SLC36A4: variants seen among roughly 807,000 people sequenced by gnomAD.
The protein encoded by SLC36A4 is neutral amino acid uniporter 4.
A neutral mutation model predicts 50.5 loss-of-function variants in SLC36A4; 49 were observed. The observed-to-expected ratio is 0.97, with a 90% confidence interval of 0.77 to 1.23. The LOEUF (loss-of-function observed/expected upper bound fraction) is 1.23, where lower values mean the gene tolerates loss of function less well. Among genes scored for constraint, SLC36A4 ranks in the 50% most tolerant of loss-of-function variants. The pLI, the probability that SLC36A4 is intolerant of heterozygous loss-of-function variation, is 0.00. For missense variants in SLC36A4, 611 were observed against 608.4 expected, an observed-to-expected ratio of 1.00 and a Z score of -0.05; for synonymous variants, 207 against 206.5, an observed-to-expected ratio of 1.00 and a Z score of -0.02.
intron 6 of SLC36A4, among the ~76,000 whole-genome samples, chr11:93,176,227 T>C (rs1453801923): frequency 9.9e-5 from 15 of 152,032 alleles, no homozygotes; most frequent in African/African-American, 3.6e-4. Flanking sequence ...TCTTTTGATC[T>C]TTGTTGGTTT....
At chr11:93,153,507 GA>G (rs1406833266) in intron 10 of SLC36A4, among the ~76,000 whole-genome samples, 1 of 151,828 alleles carries the variant, frequency 6.6e-6, no homozygotes, top group Non-Finnish European at 1.5e-5. Context: ...GCTTGACTTT[GA>G]ATTCCCAGAT....
intron 10 of SLC36A4, among the ~76,000 whole-genome samples, chr11:93,153,041 A>G (rs1409671795): frequency 6.6e-6 from 1 of 152,096 alleles, no homozygotes; most frequent in Non-Finnish European, 1.5e-5. Context: ...AATACATTTT[A>G]TCTACTTTTT....
chr11:93,166,778 G>C (rs1003774530), intron 7 of SLC36A4: 3 of 152,198 alleles, frequency 2.0e-5, no homozygotes, highest in African/African-American at 7.2e-5. Flanking sequence ...AATGAACAAA[G>C]CAACTGAAGT....
chr11:93,171,291 A>G (rs1565226383), intron 6 of SLC36A4: 1 of 152,228 alleles, frequency 6.6e-6, no homozygotes, highest in East Asian at 1.9e-4. Flanking sequence ...ATAATATTTC[A>G]TAGGAGAAAG....
chr11:93,157,838 T>C (rs1286788401), intron 9 of SLC36A4, among the ~76,000 whole-genome samples: 1 of 152,206 alleles, frequency 6.6e-6, no homozygotes, highest in Non-Finnish European at 1.5e-5. Context: ...ATCTTGCAGT[T>C]CTTCCTATTT....
intron 9 of SLC36A4, among the ~76,000 whole-genome samples, chr11:93,156,937 T>C (rs1441092657): frequency 2.0e-5 from 3 of 152,162 alleles, no homozygotes; most frequent in African/African-American, 7.2e-5. Flanking sequence ...CATTCCTATG[T>C]CCAGAATGGT....
chr11:93,155,973 T>C (rs1343239238), intron 9 of SLC36A4, among the ~76,000 whole-genome samples: 1 of 152,232 alleles, frequency 6.6e-6, no homozygotes. Context: ...ATCCAATCTA[T>C]CACTGACAGG....
intron 8 of SLC36A4, 82 bp downstream of exon 8, chr11:93,165,836 C>A: frequency 1.3e-6 from 1 of 791,214 alleles, no homozygotes; most frequent in South Asian, 2.5e-5. Context: ...GAAAAATATG[C>A]AATTTTAAAT....
intron 3 of SLC36A4, 101 bp downstream of exon 3, chr11:93,184,329 T>A: frequency 1.3e-6 from 1 of 746,354 alleles, no homozygotes; most frequent in Non-Finnish European, 2.3e-6. Context: ...ATCATCTAAA[T>A]GTCACCTTAC....
At chr11:93,188,849 T>C (rs1202141616) in intron 1 of SLC36A4, among the ~76,000 whole-genome samples, 1 of 152,124 alleles carries the variant, frequency 6.6e-6, no homozygotes, top group African/African-American at 2.4e-5. Flanking sequence ...TTCTAGAGGC[T>C]ATTAGTCTGA....
chr11:93,174,371 T>C (rs1306652573), intron 6 of SLC36A4, among the ~76,000 whole-genome samples: 1 of 151,626 alleles, frequency 6.6e-6, no homozygotes, highest in Non-Finnish European at 1.5e-5. Context: ...GTTTTCTCGA[T>C]ATACAGTCAT....
chr11:93,172,698 T>C (rs1035541804), intron 6 of SLC36A4, among the ~76,000 whole-genome samples: 4 of 141,150 alleles, frequency 2.8e-5, no homozygotes, highest in African/African-American at 1.1e-4. Context: ...ATGCGGTGTT[T>C]GGTTTTTTGT....
chr11:93,171,575 G>A (rs186309802), intron 6 of SLC36A4: 16 of 152,038 alleles, frequency 1.1e-4, no homozygotes, highest in African/African-American at 3.4e-4. Flanking sequence ...GTATATCATG[G>A]TTTCTAAATA....
rs1346111562 is a variant in SLC36A4, at chr11:93,144,398, A to C, written c.*4139T>G. ...CCTATTTGTTATCAAGAAAACGCTA[A>C]TGAAATATTTTTAGTGTTCTTTTCA... is the stretch of plus-strand genomic sequence containing the variant. On this transcript the variant is annotated 3_prime_UTR_variant, in exon 11 of 11. Coordinates refer to ENST00000326402, the MANE Select transcript of SLC36A4 (RefSeq NM_152313.4). 6.6e-6 allele frequency: 1 copy of C among 152,072 alleles called. No individual in the cohort carries two copies. Among genetic ancestry groups the C allele is most frequent in the Non-Finnish European group, 1.5e-5 (1 of 67,974 alleles). The allele number at this position is 152,072 out of a possible 1,614,324, so 9.4% of individuals were successfully genotyped here.
chr11:93,173,555 T>C (rs2134673238), intron 6 of SLC36A4, among the ~76,000 whole-genome samples: 1 of 143,298 alleles, frequency 7.0e-6, no homozygotes, highest in Middle Eastern at 3.4e-3. Context: ...GCCTAGGTTT[T>C]CTTCTAGGGT....
At chr11:93,177,631 A>C (rs1378979891) in intron 6 of SLC36A4, among the ~76,000 whole-genome samples, 2 of 152,184 alleles carry the variant, frequency 1.3e-5, no homozygotes, top group Non-Finnish European at 2.9e-5. Flanking sequence ...AGTTTGCTGG[A>C]GGTCCACTCC....
intron 9 of SLC36A4, among the ~76,000 whole-genome samples, chr11:93,155,920 G>A (rs902038937): frequency 2.0e-5 from 3 of 152,074 alleles, no homozygotes; most frequent in African/African-American, 7.2e-5. Context: ...TCTTTTTTAT[G>A]GCTGCATAGT....
intron 8 of SLC36A4, among the ~76,000 whole-genome samples, chr11:93,165,665 T>C (rs1477661288): frequency 6.6e-6 from 1 of 152,118 alleles, no homozygotes; most frequent in African/African-American, 2.4e-5. Context: ...ATGTTAAAAA[T>C]GATCTGGCTA....
chr11:93,191,276 AATT>A (rs1393437606), intron 1 of SLC36A4, among the ~76,000 whole-genome samples: 1 of 152,162 alleles, frequency 6.6e-6, no homozygotes, highest in Non-Finnish European at 1.5e-5. Flanking sequence ...ACTTAACTCT[AATT>A]TTTTAGGAGA....
Sources: gnomAD v4.1 joint callset for allele counts (sites outside exome capture counted in the v4.1 genomes callset) on GRCh38, gnomAD v4.1.1 for gene constraint, MANE v1.5 for transcripts, NCBI Gene and HGNC (gene_info 2026-07-23, HGNC 2026-07-21) for gene names.